Variants in EML6 observed in about 807,000 individuals in gnomAD.
The protein encoded by EML6 is EMAP like 6.
A neutral mutation model predicts 240.1 loss-of-function variants in EML6; 154 were observed. The ratio of observed to expected loss-of-function variants is 0.64; its 90% CI spans 0.56 to 0.73. The LOEUF (loss-of-function observed/expected upper bound fraction) is 0.73. Among genes scored for constraint, EML6 ranks in the 30% least tolerant of loss-of-function variants. The pLI, the probability that EML6 is intolerant of heterozygous loss-of-function variation, is 0.00. For synonymous variants in EML6, 1,148 were observed against 899.0 expected (o/e 1.28, Z -4.95); for missense variants, 2,964 against 2,474.6 (o/e 1.20, Z -4.20).
chr2:54,864,001 A>C, intron 13 of EML6, 112 bp downstream of exon 13: 1 of 601,604 alleles, frequency 1.7e-6, no homozygotes, highest in South Asian at 2.4e-5. Context: ...ATTGAGGCAA[A>C]AACAAGAAAA....
At chr2:54,871,092 G>A (rs539237350) in intron 15 of EML6, among the ~76,000 whole-genome samples, 9 of 152,142 alleles carry the variant, frequency 5.9e-5, no homozygotes, top group African/African-American at 1.9e-4. Context: ...GGTGGGTAGC[G>A]TAACTGAGAA....
At chr2:54,902,966 G>T in intron 22 of EML6, 78 bp from the exon 23 acceptor site, 4 of 1,355,582 alleles carry the variant, frequency 3.0e-6, no homozygotes, top group South Asian at 2.7e-5. Context: ...CACATCATCA[G>T]ATTTCTTCAT....
intron 7 of EML6, among the ~76,000 whole-genome samples, chr2:54,830,604 G>A (rs982367309): frequency 6.6e-6 from 1 of 152,182 alleles, no homozygotes; most frequent in Non-Finnish European, 1.5e-5. Flanking sequence ...GCCAGATCAT[G>A]TGGCAGTGCG....
intron 2 of EML6, among the ~76,000 whole-genome samples, chr2:54,781,800 G>T (rs544423342): frequency 6.6e-6 from 1 of 152,064 alleles, no homozygotes; most frequent in East Asian, 1.9e-4. Flanking sequence ...CTCTCGAGTA[G>T]TTGGGACCAC....
At chr2:54,785,364 C>T (rs554534185) in intron 2 of EML6, among the ~76,000 whole-genome samples, 3 of 151,814 alleles carry the variant, frequency 2.0e-5, no homozygotes, top group South Asian at 4.2e-4. Context: ...TTAGTAGAGA[C>T]GGGGTTTCAC....
intron 3 of EML6, among the ~76,000 whole-genome samples, chr2:54,813,875 C>T (rs995487065): frequency 2.0e-5 from 3 of 152,170 alleles, no homozygotes; most frequent in Non-Finnish European, 4.4e-5. Flanking sequence ...CTGTCCTCTC[C>T]CAATTCAGTC....
chr2:54,809,188 C>A (rs997432435), intron 2 of EML6, among the ~76,000 whole-genome samples: 1 of 152,124 alleles, frequency 6.6e-6, no homozygotes. Flanking sequence ...AAATAACTTG[C>A]AAAAGTTGCA....
At chr2:54,935,950 A>G (rs1332605623) in intron 28 of EML6, among the ~76,000 whole-genome samples, 1 of 152,164 alleles carries the variant, frequency 6.6e-6, no homozygotes, top group Non-Finnish European at 1.5e-5. Flanking sequence ...GGATCCCTTG[A>G]GGCCAGGAGT....
chr2:54,859,934 G>A (rs1378598200), intron 12 of EML6, among the ~76,000 whole-genome samples: 1 of 152,160 alleles, frequency 6.6e-6, no homozygotes, highest in Non-Finnish European at 1.5e-5. Context: ...CGTCAGCAAC[G>A]TGACATCTGC....
intron 16 of EML6, among the ~76,000 whole-genome samples, chr2:54,875,714 C>T (rs947033873): frequency 6.6e-6 from 1 of 152,154 alleles, no homozygotes; most frequent in Non-Finnish European, 1.5e-5. Flanking sequence ...TATATTATCT[C>T]AGTTGAGAAC....
intron 7 of EML6, among the ~76,000 whole-genome samples, chr2:54,842,199 G>T (rs1669497305): frequency 6.6e-6 from 1 of 152,070 alleles, no homozygotes; most frequent in Non-Finnish European, 1.5e-5. Context: ...TAGTTTCACT[G>T]CCCTAAAAAT....
chr2:54,835,391 A>T (rs886451337), intron 7 of EML6, among the ~76,000 whole-genome samples: 2 of 152,160 alleles, frequency 1.3e-5, no homozygotes, highest in Non-Finnish European at 2.9e-5. Context: ...ATAGGACTGG[A>T]GGGTGGAGCC....
chr2:54,961,189 T>TTTTTTTTTTTTTTTTTTTTTTTTG (rs1558729617), intron 35 of EML6, among the ~76,000 whole-genome samples: 1 of 108,030 alleles, frequency 9.3e-6, no homozygotes, highest in African/African-American at 3.8e-5. Context: ...AAGTAGTTTT[T>TTTTTTTTTTTTTTTTTTTTTTTTG]TTTTTTTTTT....
In EML6 at chr2:54,960,212, T is replaced by C. The variant is rs1291831641; in HGVS notation, c.4854-8T>C. On this transcript the variant is annotated splice_region_variant and splice_polypyrimidine_tract_variant and intron_variant, in intron 34 of 41. Transcript: ENST00000356458. ...TTAACAGCCTGAGTCCCTTTCAATC[T>C]TTTTTAGGACCAAAGAAGGAGGTGC... 6.5e-7 allele frequency: 1 copy of C among 1,544,252 alleles called. No homozygotes were observed. The highest frequency in any genetic ancestry group is 1.2e-5 in the South Asian group (1 of 83,906).
chr2:54,785,170 C>CTTTT (rs57639955), intron 2 of EML6, among the ~76,000 whole-genome samples: 1 of 102,644 alleles, frequency 9.7e-6, no homozygotes, highest in Admixed American at 1.1e-4. Context: ...CACACACACA[C>CTTTT]TTTTTTTTTT....
At chr2:54,899,807 T>A (rs1195650981) in intron 22 of EML6, 25 bp downstream of exon 22, 1 of 1,536,194 alleles carries the variant, frequency 6.5e-7, no homozygotes, top group East Asian at 2.5e-5. Flanking sequence ...CTTACACATC[T>A]GTCAGAGTAT....
At chr2:54,793,603 G>A (rs2103921449) in intron 2 of EML6, among the ~76,000 whole-genome samples, 1 of 152,218 alleles carries the variant, frequency 6.6e-6, no homozygotes, top group South Asian at 2.1e-4. Flanking sequence ...ACTGCCAGTT[G>A]CCTACCAAAT....
At chr2:54,886,346 T>TA (rs1437561598) in intron 17 of EML6, among the ~76,000 whole-genome samples, 1 of 151,932 alleles carries the variant, frequency 6.6e-6, no homozygotes, top group African/African-American at 2.4e-5. Context: ...TTTGTATTTT[T>TA]AGTAGAGATG....
At chr2:54,875,213 C>T (rs150505572) in intron 16 of EML6, among the ~76,000 whole-genome samples, 79 of 152,256 alleles carry the variant, frequency 5.2e-4, no homozygotes, top group Non-Finnish European at 7.4e-4. Flanking sequence ...AGAGAGATCC[C>T]GTTCTAAAAC....
Sources: gnomAD v4.1 joint callset for allele counts (sites outside exome capture counted in the v4.1 genomes callset) on GRCh38, gnomAD v4.1.1 for gene constraint, MANE v1.5 for transcripts, NCBI Gene and HGNC (gene_info 2026-07-23, HGNC 2026-07-21) for gene names.